Variants in OPCML observed in about 807,000 individuals in gnomAD.
The protein encoded by OPCML is opioid-binding protein/cell adhesion molecule.
OPCML carries 13 observed loss-of-function variants against 37.8 expected under a neutral mutation model. The ratio of observed to expected loss-of-function variants is 0.34; its 90% CI spans 0.22 to 0.55. The LOEUF is 0.55. Among genes scored for constraint, OPCML ranks in the 20% least tolerant of loss-of-function variants. The pLI is 0.91. For missense variants in OPCML, 341 were observed against 435.6 expected (o/e 0.78, Z 1.93); for synonymous variants, 176 against 168.8 (o/e 1.04, Z -0.33).
chr11:133,082,898 C>G (rs1948756843), intron 1 of OPCML, among the ~76,000 whole-genome samples: 1 of 150,258 alleles, frequency 6.7e-6, no homozygotes, highest in Admixed American at 6.6e-5. Flanking sequence ...ACGCGCTGCC[C>G]GGAGACCGCC....
intron 2 of OPCML, among the ~76,000 whole-genome samples, chr11:132,764,086 C>T (rs79122037): frequency 0.015 from 2,247 of 152,316 alleles, 51 homozygotes; most frequent in African/African-American, 0.05. Flanking sequence ...GGTAGCTGAT[C>T]AGCAGGAGGC....
In OPCML at chr11:133,206,848, C is replaced by T. The variant is rs1939083769; in HGVS notation, c.62-263838G>A. 6.6e-6 allele frequency among the ~76,000 whole-genome samples: 1 copy of T among 152,200 alleles called. No individual in the cohort carries two copies. The highest frequency in any genetic ancestry group is 1.5e-5 in the Non-Finnish European group (1 of 68,038). On this transcript the variant is annotated intron_variant, in intron 1 of 7. Coordinates refer to ENST00000524381, the MANE Select transcript of OPCML (RefSeq NM_001012393.5). This position sits in a 1 kb window ranked among gnomAD's most constrained non-coding sequence, Gnocchi z 4.7. ...CCACACTCTCACGATGTCCACACAG[C>T]TACGGTGACCTATTCATGTCTTAGG... is the stretch of plus-strand genomic sequence containing the variant.
chr11:133,510,041 C>T (rs1334079162), intron 1 of OPCML, among the ~76,000 whole-genome samples: 1 of 152,172 alleles, frequency 6.6e-6, no homozygotes. Flanking sequence ...CTGCTACAGG[C>T]TTGCTTACCA....
intron 3 of OPCML, among the ~76,000 whole-genome samples, chr11:132,584,191 T>G (rs2096467688): frequency 6.6e-6 from 1 of 151,950 alleles, no homozygotes; most frequent in South Asian, 2.1e-4. Flanking sequence ...CACATAAAAT[T>G]AACAGATATC....
At chr11:132,548,998 C>T (rs1457391796) in intron 3 of OPCML, among the ~76,000 whole-genome samples, 2 of 152,100 alleles carry the variant, frequency 1.3e-5, no homozygotes, top group African/African-American at 2.4e-5. Flanking sequence ...AGAGTGACTC[C>T]ATCTTGGACA....
At chr11:133,317,439 T>G (rs770493070) in intron 1 of OPCML, among the ~76,000 whole-genome samples, 7 of 152,218 alleles carry the variant, frequency 4.6e-5, no homozygotes, top group Non-Finnish European at 7.3e-5. Context: ...CGACTTATTT[T>G]GAAACACTGG....
intron 2 of OPCML, among the ~76,000 whole-genome samples, chr11:132,824,853 C>T (rs919020842): frequency 1.3e-5 from 2 of 152,204 alleles, no homozygotes; most frequent in African/African-American, 4.8e-5. Flanking sequence ...CCTGTTCTTT[C>T]ACCACAAGCC....
At chr11:133,330,434 C>G (rs894290252) in intron 1 of OPCML, among the ~76,000 whole-genome samples, 2 of 152,116 alleles carry the variant, frequency 1.3e-5, no homozygotes, top group African/African-American at 4.8e-5. Flanking sequence ...TTGGAACCAA[C>G]CCAAATGTCC....
intron 1 of OPCML, among the ~76,000 whole-genome samples, chr11:133,154,623 A>G (rs1280686554): frequency 6.6e-6 from 1 of 152,190 alleles, no homozygotes; most frequent in Non-Finnish European, 1.5e-5. Flanking sequence ...TGAAAATTAC[A>G]GAGGAACACC....
chr11:132,540,281 C>T (rs73035373), intron 3 of OPCML, among the ~76,000 whole-genome samples: 6,582 of 152,180 alleles, frequency 0.043, 184 homozygotes, highest in South Asian at 0.049. Flanking sequence ...CTCACTCGAC[C>T]GGGGATCCTT....
intron 1 of OPCML, among the ~76,000 whole-genome samples, chr11:133,162,102 A>G (rs1319775980): frequency 3.3e-5 from 5 of 150,488 alleles, no homozygotes; most frequent in Non-Finnish European, 5.9e-5. Context: ...TCCAATTTGA[A>G]CACTACTCAG....
At chr11:132,785,026 C>A (rs1195799971) in intron 2 of OPCML, among the ~76,000 whole-genome samples, 3 of 152,184 alleles carry the variant, frequency 2.0e-5, no homozygotes, top group African/African-American at 4.8e-5. Context: ...ATTTTATTTT[C>A]TTTTACATAA....
chr11:132,950,035 T>C (rs1388158956), intron 1 of OPCML, among the ~76,000 whole-genome samples: 2 of 152,124 alleles, frequency 1.3e-5, no homozygotes, highest in Admixed American at 6.5e-5. Flanking sequence ...CATAGAGGCA[T>C]ATGGCAGAGG....
intron 1 of OPCML, among the ~76,000 whole-genome samples, chr11:133,516,772 C>T (rs186162437): frequency 6.6e-6 from 1 of 152,250 alleles, no homozygotes; most frequent in East Asian, 1.9e-4. Context: ...TGGTCCCTGT[C>T]CTTGGCCTTT....
At chr11:133,242,175 C>T (rs535969851) in intron 1 of OPCML, among the ~76,000 whole-genome samples, 3 of 152,202 alleles carry the variant, frequency 2.0e-5, no homozygotes, top group Admixed American at 2.0e-4. Flanking sequence ...GTGCAGGGTC[C>T]CTTCACACAC....
At chr11:133,076,497 G>A (rs1230855140) in intron 1 of OPCML, among the ~76,000 whole-genome samples, 1 of 152,160 alleles carries the variant, frequency 6.6e-6, no homozygotes, top group Admixed American at 6.5e-5. Flanking sequence ...AAGAGGAGAT[G>A]TTATACAAGA....
chr11:132,661,146 C>A (rs1422638483), intron 2 of OPCML, among the ~76,000 whole-genome samples: 2 of 152,032 alleles, frequency 1.3e-5, no homozygotes, highest in African/African-American at 4.8e-5. Context: ...CCTGTGTGTC[C>A]CTTGGGTAAT....
At chr11:132,520,890 C>A (rs1487578949) in intron 4 of OPCML, among the ~76,000 whole-genome samples, 1 of 151,988 alleles carries the variant, frequency 6.6e-6, no homozygotes, top group Non-Finnish European at 1.5e-5. Context: ...TAGGTATATA[C>A]CAAATACCAT....
chr11:132,864,308 C>A (rs140411995), intron 2 of OPCML, among the ~76,000 whole-genome samples: 1 of 152,088 alleles, frequency 6.6e-6, no homozygotes, highest in Non-Finnish European at 1.5e-5. Context: ...AATTAATCTG[C>A]CTTTTGTGAA....
Sources: allele counts gnomAD v4.1 joint callset (sites outside exome capture counted in the v4.1 genomes callset), GRCh38; gene constraint gnomAD v4.1.1; non-coding constraint Gnocchi (gnomAD v3.1); transcripts MANE v1.5; gene names NCBI Gene and HGNC (gene_info 2026-07-23, HGNC 2026-07-21).